The following RALYL variants were observed in gnomAD, a reference collection of about 807,000 sequenced individuals.
RALYL encodes RNA-binding Raly-like protein.
RALYL carries 29 observed loss-of-function variants against 35.1 expected under a neutral mutation model. The observed-to-expected ratio is 0.83, with a 90% CI of 0.61 to 1.13. The LOEUF (loss-of-function observed/expected upper bound fraction) is 1.13. Ranked by LOEUF, RALYL falls within the 50% of genes most tolerant of loss-of-function variation. The probability of loss-of-function intolerance (pLI) is 0.00; values close to 1 mark genes in which losing one functional copy is unlikely to be tolerated. For synonymous variants in RALYL, 120 were observed against 127.6 expected (o/e 0.94, Z 0.40); for missense variants, 359 against 360.4 (o/e 1.00, Z 0.03).
intron 1 of RALYL, among the ~76,000 whole-genome samples, chr8:84,256,330 T>A (rs1831204454): frequency 6.7e-6 from 1 of 149,600 alleles, no homozygotes; most frequent in Non-Finnish European, 1.5e-5. Flanking sequence ...GAACAACATT[T>A]TTAATTTTCT....
intron 1 of RALYL, among the ~76,000 whole-genome samples, chr8:84,342,449 A>G (rs1317106253): frequency 1.3e-5 from 2 of 150,734 alleles, no homozygotes; most frequent in African/African-American, 4.9e-5. Context: ...GGAATATATA[A>G]TACACTGAAC....
intron 2 of RALYL, among the ~76,000 whole-genome samples, chr8:84,717,508 A>G (rs1228361807): frequency 6.6e-6 from 1 of 152,172 alleles, no homozygotes; most frequent in African/African-American, 2.4e-5. Context: ...TTAAAGGATA[A>G]TGTGGCATTG....
intron 2 of RALYL, among the ~76,000 whole-genome samples, chr8:84,686,193 A>G (rs747756774): frequency 3.3e-5 from 5 of 152,296 alleles, no homozygotes; most frequent in Middle Eastern, 6.8e-3. Context: ...ACTGACAATA[A>G]TTGTGCCATG....
At chr8:84,866,309 G>A (rs1233365781) in intron 6 of RALYL, among the ~76,000 whole-genome samples, 2 of 151,968 alleles carry the variant, frequency 1.3e-5, no homozygotes, top group Non-Finnish European at 2.9e-5. Context: ...GTGGCCTTGG[G>A]GAAATCCTTT....
chr8:84,785,527 T>C (rs1396226491), intron 3 of RALYL, among the ~76,000 whole-genome samples: 1 of 152,232 alleles, frequency 6.6e-6, no homozygotes, highest in Non-Finnish European at 1.5e-5. Context: ...GTTAAGTTAA[T>C]ACCTTTTTTC....
At chr8:84,854,780 A>T (rs963348221) in intron 5 of RALYL, among the ~76,000 whole-genome samples, 1 of 152,236 alleles carries the variant, frequency 6.6e-6, no homozygotes, top group South Asian at 2.1e-4. Flanking sequence ...CTGGAGAAAC[A>T]AAGGAAGATT....
chr8:84,551,334 T>G (rs542998417), intron 2 of RALYL, among the ~76,000 whole-genome samples: 1 of 152,280 alleles, frequency 6.6e-6, no homozygotes, highest in South Asian at 2.1e-4. Flanking sequence ...CATAATTGTT[T>G]CTGGTTTGAA....
chr8:84,595,204 C>T (rs1327579172), intron 2 of RALYL, among the ~76,000 whole-genome samples: 1 of 152,078 alleles, frequency 6.6e-6, no homozygotes, highest in Non-Finnish European at 1.5e-5. Flanking sequence ...TTTTATTTAC[C>T]AAATTACATC....
intron 1 of RALYL, among the ~76,000 whole-genome samples, chr8:84,306,151 G>A (rs1400112058): frequency 6.6e-6 from 1 of 150,802 alleles, no homozygotes; most frequent in Non-Finnish European, 1.5e-5. Context: ...GTGACAGAGC[G>A]AGACTCCGTC....
At chr8:84,553,805 A>C (rs2060912921) in intron 2 of RALYL, among the ~76,000 whole-genome samples, 5 of 152,078 alleles carry the variant, frequency 3.3e-5, no homozygotes, top group Admixed American at 3.3e-4. Context: ...TATTTTGCCT[A>C]TACTGTCTAT....
intron 1 of RALYL, among the ~76,000 whole-genome samples, chr8:84,447,036 C>T (rs1275528238): frequency 6.6e-6 from 1 of 152,054 alleles, no homozygotes; most frequent in Non-Finnish European, 1.5e-5. Context: ...AAATGCAGTT[C>T]AGGAGTTCCC....
chr8:84,516,597 A>C (rs1460865766), intron 1 of RALYL, among the ~76,000 whole-genome samples: 1 of 152,136 alleles, frequency 6.6e-6, no homozygotes, highest in Non-Finnish European at 1.5e-5. Context: ...AACCAAGCAA[A>C]GTTGTATTTT....
At chr8:84,514,581 A>G (rs2057909792) in intron 1 of RALYL, among the ~76,000 whole-genome samples, 1 of 152,158 alleles carries the variant, frequency 6.6e-6, no homozygotes, top group African/African-American at 2.4e-5. Flanking sequence ...TGTTCCTTCC[A>G]ACTATATCAC....
At chr8:84,551,151 T>C (rs190907087) in intron 2 of RALYL, among the ~76,000 whole-genome samples, 4 of 152,176 alleles carry the variant, frequency 2.6e-5, no homozygotes, top group Non-Finnish European at 4.4e-5. Flanking sequence ...TAATTTTCTG[T>C]TTTATGTTGA....
At chr8:84,649,311 T>A (rs1291318899) in intron 2 of RALYL, among the ~76,000 whole-genome samples, 1 of 152,112 alleles carries the variant, frequency 6.6e-6, no homozygotes, top group Non-Finnish European at 1.5e-5. Context: ...AACTTTGGCT[T>A]TTGTTGCCAT....
At chr8:84,415,818 A>T (rs1236094981) in intron 1 of RALYL, among the ~76,000 whole-genome samples, 1 of 152,106 alleles carries the variant, frequency 6.6e-6, no homozygotes, top group Non-Finnish European at 1.5e-5. Flanking sequence ...CTGTATTTGT[A>T]TTGTTTTTAT....
intron 1 of RALYL, among the ~76,000 whole-genome samples, chr8:84,192,703 G>A (rs1347639994): frequency 6.6e-5 from 10 of 151,868 alleles, no homozygotes; most frequent in Non-Finnish European, 1.5e-4. Context: ...GATTACAGGC[G>A]TGTGCCAACA....
At chr8:84,356,753 G>A (rs1235630451) in intron 1 of RALYL, among the ~76,000 whole-genome samples, 2 of 150,374 alleles carry the variant, frequency 1.3e-5, no homozygotes, top group East Asian at 3.9e-4. Flanking sequence ...GAAATTTACA[G>A]ATGTAATTTA....
chr8:84,374,877 TAATGAA>T (rs567943432), intron 1 of RALYL, among the ~76,000 whole-genome samples: 22 of 151,654 alleles, frequency 1.5e-4, no homozygotes, highest in Non-Finnish European at 2.8e-4. Flanking sequence ...TTTAATTAAT[TAATGAA>T]AATGAAAATG....
Sources: allele counts gnomAD v4.1 joint callset (sites outside exome capture counted in the v4.1 genomes callset), GRCh38; gene constraint gnomAD v4.1.1; transcripts MANE v1.5; gene names NCBI Gene and HGNC (gene_info 2026-07-23, HGNC 2026-07-21).